STAU2: variants seen among roughly 807,000 people sequenced by gnomAD.
STAU2 encodes the protein double-stranded RNA-binding protein Staufen homolog 2.
STAU2 carries 20 observed loss-of-function variants against 65.9 expected under a neutral mutation model. That is an observed-to-expected ratio of 0.30 (90% confidence interval 0.21 to 0.44). STAU2 has a LOEUF of 0.44. Ranked by LOEUF, STAU2 falls within the 20% of genes least tolerant of loss-of-function variation. STAU2 has a pLI of 1.00. For missense variants in STAU2, 558 were observed against 683.9 expected (o/e 0.82, Z 2.05); for synonymous variants, 232 against 233.9 (o/e 0.99, Z 0.07).
rs537855293 is a variant in STAU2, at chr8:73,535,192, C to T, written c.1530+16820G>A. 4.6e-5 allele frequency among the ~76,000 whole-genome samples: 7 copies of T among 151,708 alleles called. No individual in the cohort carries two copies. In the East Asian group the frequency reaches 5.8e-4, roughly 13 times the overall value. ...TTGATCTTTGCTTTTTTTTTTGAGA[C>T]GGAGTCTCACTCTGTCGCCCAGGCT... On this transcript the variant is annotated intron_variant, in intron 13 of 14. Transcript: ENST00000524300.
At chr8:73,449,894 T>C (rs988756958) in intron 13 of STAU2, among the ~76,000 whole-genome samples, 1 of 152,204 alleles carries the variant, frequency 6.6e-6, no homozygotes, top group Non-Finnish European at 1.5e-5. Context: ...GGTCACTATC[T>C]GGACCCAGCC....
intron 3 of STAU2, chr8:73,728,072 T>C (rs1805778679): frequency 6.6e-6 from 1 of 152,154 alleles, no homozygotes; most frequent in Admixed American, 6.5e-5. Context: ...AGTTGTAAGT[T>C]TTCGTTCTTG....
intron 3 of STAU2, among the ~76,000 whole-genome samples, chr8:73,727,626 T>C (rs1476898698): frequency 6.6e-6 from 1 of 152,224 alleles, no homozygotes; most frequent in East Asian, 1.9e-4. Context: ...CTGATGGACA[T>C]TTGGGTTGTT....
intron 13 of STAU2, among the ~76,000 whole-genome samples, chr8:73,486,630 C>T (rs922946156): frequency 3.8e-5 from 5 of 132,504 alleles, no homozygotes; most frequent in Admixed American, 1.6e-4. Context: ...TATATATACA[C>T]ATTTATAAGT....
intron 13 of STAU2, among the ~76,000 whole-genome samples, chr8:73,453,277 A>C (rs929216690): frequency 5.3e-5 from 8 of 152,254 alleles, no homozygotes; most frequent in African/African-American, 1.9e-4. Context: ...TTATTGTAAA[A>C]GGGAAAATGC....
At chr8:73,699,779 G>A (rs1323361664) in intron 4 of STAU2, among the ~76,000 whole-genome samples, 6 of 140,226 alleles carry the variant, frequency 4.3e-5, no homozygotes, top group African/African-American at 1.6e-4. Flanking sequence ...AAACTATTCT[G>A]AAAAATAGAG....
intron 13 of STAU2, among the ~76,000 whole-genome samples, chr8:73,435,342 A>G (rs1316357844): frequency 1.3e-5 from 2 of 151,738 alleles, no homozygotes; most frequent in Non-Finnish European, 2.9e-5. Flanking sequence ...TGAAATCTCC[A>G]CAGTGTGTCC....
At chr8:73,555,672 G>T (rs1349357991) in intron 12 of STAU2, among the ~76,000 whole-genome samples, 1 of 128,604 alleles carries the variant, frequency 7.8e-6, no homozygotes, top group African/African-American at 2.5e-5. Flanking sequence ...TATAATATTT[G>T]ATGTTGTGTA....
chr8:73,522,955 T>G (rs1013878292), intron 13 of STAU2, among the ~76,000 whole-genome samples: 3 of 152,058 alleles, frequency 2.0e-5, no homozygotes, highest in African/African-American at 4.8e-5. Context: ...CCTAGCACTT[T>G]GGGAGGCCAA....
chr8:73,592,275 A>G (rs1210491672), intron 11 of STAU2, among the ~76,000 whole-genome samples: 2 of 152,110 alleles, frequency 1.3e-5, no homozygotes, highest in Admixed American at 1.3e-4. Flanking sequence ...GAAAGTGAGT[A>G]TCATTACAGA....
rs114885100 is a variant in STAU2, at chr8:73,725,353, C to A, written c.-18+12931G>T. On this transcript the variant is annotated intron_variant, in intron 3 of 14. Coordinates refer to ENST00000524300, the MANE Select transcript of STAU2 (RefSeq NM_001164380.2). Reference sequence around the variant, plus strand: ...ACATACACAGCCTACCTTCAAATATCATTCCACTTCATGTTTGATATCAGC... The same window carrying A: ...ACATACACAGCCTACCTTCAAATATAATTCCACTTCATGTTTGATATCAGC... 5.0e-3 allele frequency among the ~76,000 whole-genome samples: 769 copies of A among 152,308 alleles called. 11 individuals carry two copies. The highest frequency in any genetic ancestry group is 0.018 in the African/African-American group (732 of 41,564).
At chr8:73,424,302 GTGATTCTACTGCCTCAGCC>G (rs1169391679) in intron 13 of STAU2, among the ~76,000 whole-genome samples, 1 of 147,260 alleles carries the variant, frequency 6.8e-6, no homozygotes, top group African/African-American at 2.5e-5. Context: ...CTGGGTTCAA[GTGATTCTACTGCCTCAGCC>G]TCCCAAGTAG....
intron 13 of STAU2, among the ~76,000 whole-genome samples, chr8:73,510,646 G>C (rs534366594): frequency 6.6e-6 from 1 of 152,276 alleles, no homozygotes; most frequent in African/African-American, 2.4e-5. Flanking sequence ...ACGGCGGAAG[G>C]GGAAGCAAAC....
intron 4 of STAU2, among the ~76,000 whole-genome samples, chr8:73,698,455 A>G (rs528467280): frequency 1.3e-5 from 2 of 152,162 alleles, no homozygotes; most frequent in Non-Finnish European, 2.9e-5. Context: ...GGATGGAGAA[A>G]CATATTCCAT....
intron 13 of STAU2, among the ~76,000 whole-genome samples, chr8:73,499,868 G>A (rs1348852166): frequency 1.3e-5 from 2 of 151,772 alleles, no homozygotes; most frequent in Admixed American, 1.3e-4. Context: ...TCTAGACCAC[G>A]GGAGTATGGA....
chr8:73,654,040 A>G (rs1400929932), intron 6 of STAU2: 2 of 223,354 alleles, frequency 9.0e-6, no homozygotes, highest in African/African-American at 4.7e-5. Flanking sequence ...CACATTTTTT[A>G]TATTACAAAA....
Position 73,595,287 on chromosome 8 carries a change from C to T in STAU2, c.1040G>A (p.Gly347Asp), listed in dbSNP as rs147219043. 19 of 1,590,254 alleles carry T rather than the reference C, an allele frequency of 1.2e-5. No individual in the cohort carries two copies. In the Admixed American group the frequency reaches 3.5e-4, roughly 30 times the overall value. ...RREFVMQVKV[G>D]NEVATGTGPN... Reference sequence around the variant, plus strand: ...TCCTGTTCCTGTAGCAACTTCATTGCCTACCTTCACCTGATAAGATTAAAG... The same window carrying T: ...TCCTGTTCCTGTAGCAACTTCATTGTCTACCTTCACCTGATAAGATTAAAG... Residue 347 changes from glycine to aspartate, a missense_variant, in exon 11 of 15, where the codon GGC (glycine) becomes GAC (aspartate). Gly to Asp is a moderately conservative substitution (Grantham distance 94, BLOSUM62 -1). This residue lies in a region of STAU2 where 247 missense variants were observed against 270.1 expected (regional missense o/e 0.91). Transcript: ENST00000524300.
At chr8:73,709,263 T>G (rs1376890305) in intron 3 of STAU2, 101 bp from the exon 4 acceptor site, 1 of 1,053,888 alleles carries the variant, frequency 9.5e-7, no homozygotes. Flanking sequence ...TTTAAATTAT[T>G]TTCATGAATT....
chr8:73,639,905 G>T (rs1814829009), intron 6 of STAU2, among the ~76,000 whole-genome samples: 2 of 151,956 alleles, frequency 1.3e-5, no homozygotes, highest in Admixed American at 1.3e-4. Context: ...TTATACACTG[G>T]TAACAGCATT....
Sources: gnomAD v4.1 joint callset for allele counts (sites outside exome capture counted in the v4.1 genomes callset) on GRCh38, gnomAD v4.1.1 for gene constraint, gnomAD v4.1.1 regional missense constraint, MANE v1.5 for transcripts, NCBI Gene and HGNC (gene_info 2026-07-23, HGNC 2026-07-21) for gene names.